The following KANK4 variants were observed in gnomAD, a reference collection of about 807,000 sequenced individuals.
The protein encoded by KANK4 is KN motif and ankyrin repeat domains 4, also known as KN motif and ankyrin repeat domain-containing protein 4.
Under a neutral mutation model 80.8 loss-of-function variants are expected in KANK4, and 50 were observed. That is an observed-to-expected ratio of 0.62 (90% CI 0.49 to 0.78). The LOEUF (loss-of-function observed/expected upper bound fraction) is 0.78, where lower values mean the gene tolerates loss of function less well. KANK4 is among the 30% of genes least tolerant of loss of function. The pLI, the probability that KANK4 is intolerant of heterozygous loss-of-function variation, is 0.00. For synonymous variants in KANK4, 465 were observed against 506.9 expected (o/e 0.92, Z 1.11); for missense variants, 1,196 against 1,240.1 (o/e 0.96, Z 0.53).
rs1671200193 is a variant in KANK4 at position 62,236,343 on chromosome 1, T to C, written c.*1934A>G. ...AGATCCCAGGTGATTTGTATGCACA[T>C]AAATGTTCGCGAAGCACCGGGCTAG... On this transcript the variant is annotated 3_prime_UTR_variant, in exon 10 of 10. Coordinates refer to ENST00000371153, the MANE Select transcript of KANK4 (RefSeq NM_181712.5). 6.6e-6 allele frequency among the ~76,000 whole-genome samples: 1 copy of C among 152,214 alleles called. No homozygotes were observed. Among genetic ancestry groups the C allele is most frequent in the Non-Finnish European group, 1.5e-5 (1 of 68,046 alleles).
intron 8 of KANK4, among the ~76,000 whole-genome samples, chr1:62,249,163 CA>C (rs10695105): frequency 4.2e-4 from 57 of 136,336 alleles, no homozygotes; most frequent in Admixed American, 1.4e-3. Context: ...AAATCTGTCT[CA>C]AAAAAAAAAA....
Position 62,273,251 on chromosome 1 carries a change from G to T in KANK4, c.1853C>A (p.Ala618Asp). 6.5e-7 allele frequency: 1 copy of T among 1,543,034 alleles called. No individual in the cohort carries two copies. Among genetic ancestry groups the T allele is most frequent in the East Asian group, 2.3e-5 (1 of 44,040 alleles). ...NLLLSAYSAQ[A>D]HPPKEPPASS... ...GGCCGGTGGCTCCTTGGGTGGGTGA[G>T]CCTGGGCCGAGTAGGCCGACAGCAG... Residue 618 changes from alanine to aspartate, a missense_variant, in exon 3 of 10, where the codon GCT (alanine) becomes GAT (aspartate). Transcript: ENST00000371153.
chr1:62,316,638 T>C (rs1190184911), intron 1 of KANK4, among the ~76,000 whole-genome samples: 1 of 152,218 alleles, frequency 6.6e-6, no homozygotes, highest in East Asian at 1.9e-4. Flanking sequence ...GTATGCAAGA[T>C]ATTTTAGGTT....
intron 7 of KANK4, among the ~76,000 whole-genome samples, chr1:62,257,197 C>T (rs570737591): frequency 2.8e-4 from 42 of 152,246 alleles, no homozygotes; most frequent in African/African-American, 1.0e-3. Flanking sequence ...AAGCGATTCT[C>T]CTGCCTCAGC....
intron 9 of KANK4, among the ~76,000 whole-genome samples, chr1:62,239,977 A>T (rs569324538): frequency 2.7e-4 from 41 of 152,288 alleles, no homozygotes; most frequent in African/African-American, 9.6e-4. Context: ...ATAAACATAC[A>T]TGTGCATGTG....
chr1:62,252,999 C>A (rs1357951695), intron 8 of KANK4, 68 bp downstream of exon 8: 2 of 1,558,138 alleles, frequency 1.3e-6, no homozygotes, highest in East Asian at 2.3e-5. Context: ...TTTCTCACCC[C>A]ACTAGCAGAA....
chr1:62,317,916 C>A (rs557812669), intron 1 of KANK4, among the ~76,000 whole-genome samples: 22 of 152,308 alleles, frequency 1.4e-4, no homozygotes, highest in Admixed American at 1.2e-3. Flanking sequence ...CTGGTCTGAT[C>A]CCCGAGCCAT....
intron 9 of KANK4, among the ~76,000 whole-genome samples, chr1:62,240,626 G>A (rs563232704): frequency 7.2e-5 from 11 of 152,192 alleles, no homozygotes; most frequent in South Asian, 2.1e-4. Flanking sequence ...ACAAGATTGC[G>A]CCATTGCACT....
At chr1:62,246,726 T>C (rs1671474524) in intron 9 of KANK4, among the ~76,000 whole-genome samples, 1 of 150,796 alleles carries the variant, frequency 6.6e-6, no homozygotes, top group Non-Finnish European at 1.5e-5. Context: ...GCCTGCTGAG[T>C]AGCTGGGATT....
chr1:62,266,361 C>T (rs868619744), intron 6 of KANK4, among the ~76,000 whole-genome samples: 25 of 151,122 alleles, frequency 1.7e-4, no homozygotes, highest in African/African-American at 6.1e-4. Flanking sequence ...GCACACACAC[C>T]ACTGCTTCAC....
chr1:62,290,576 A>T (rs747804361), intron 1 of KANK4, among the ~76,000 whole-genome samples: 1 of 152,200 alleles, frequency 6.6e-6, no homozygotes, highest in Non-Finnish European at 1.5e-5. Context: ...GGCTATGATT[A>T]CTTTTTAAAA....
Position 62,274,777 on chromosome 1 carries a change from T to C in KANK4, c.327A>G (p.Ser109=), listed in dbSNP as rs2666507. 0.7 allele frequency: 1,130,248 copies of C among 1,613,228 alleles called. 398,346 individuals carry two copies. Among genetic ancestry groups the C allele is most frequent in the East Asian group, 0.83 (37,350 of 44,788 alleles). Residue 109 remains serine, a synonymous_variant, in exon 3 of 10, where the codon TCA becomes TCG. Coordinates refer to ENST00000371153, the MANE Select transcript of KANK4 (RefSeq NM_181712.5). The part of the protein sequence containing the change: ...ASLGTQEQNQ[S]PPLGNAPQAS... The stretch of plus-strand genomic sequence containing the variant: ...CCTGGGGGGCATTACCAAGCGGTGG[T>C]GACTGGTTTTGCTCCTGTGTCCCAA...
intron 6 of KANK4, 74 bp downstream of exon 6, chr1:62,266,658 C>T (rs1672028270): frequency 9.7e-7 from 1 of 1,030,400 alleles, no homozygotes; most frequent in Non-Finnish European, 1.5e-6. Flanking sequence ...CTGAATGGGA[C>T]CAAAGTCACC....
chr1:62,263,895 C>T (rs1046483154), intron 6 of KANK4, among the ~76,000 whole-genome samples: 2 of 152,088 alleles, frequency 1.3e-5, no homozygotes, highest in African/African-American at 4.8e-5. Flanking sequence ...TTTAAGAACC[C>T]ACGGCAGGAC....
At chr1:62,305,359 A>G (rs2149169412) in intron 1 of KANK4, among the ~76,000 whole-genome samples, 1 of 152,100 alleles carries the variant, frequency 6.6e-6, no homozygotes, top group South Asian at 2.1e-4. Context: ...CCCAGGCTGG[A>G]GTGAAATGGC....
At chr1:62,314,265 C>G (rs1571059856) in intron 1 of KANK4, among the ~76,000 whole-genome samples, 1 of 152,268 alleles carries the variant, frequency 6.6e-6, no homozygotes. Context: ...TGGCCTGCCT[C>G]AGCCTCCCAA....
intron 1 of KANK4, among the ~76,000 whole-genome samples, chr1:62,312,011 C>T (rs1390692475): frequency 6.6e-6 from 1 of 152,042 alleles, no homozygotes; most frequent in Non-Finnish European, 1.5e-5. Context: ...CTTTTTTGTG[C>T]CTTCATCCCT....
At chr1:62,286,561 A>G (rs1317521400) in intron 1 of KANK4, among the ~76,000 whole-genome samples, 1 of 152,110 alleles carries the variant, frequency 6.6e-6, no homozygotes, top group East Asian at 1.9e-4. Flanking sequence ...ACAACACACA[A>G]TCTTCCTTCT....
intron 1 of KANK4, among the ~76,000 whole-genome samples, chr1:62,282,900 TG>T (rs1672481771): frequency 6.6e-6 from 1 of 152,218 alleles, no homozygotes; most frequent in Non-Finnish European, 1.5e-5. Context: ...CAGCACATCC[TG>T]GTTTGTTGAA....
Sources: gnomAD v4.1 joint callset for allele counts (sites outside exome capture counted in the v4.1 genomes callset) on GRCh38, gnomAD v4.1.1 for gene constraint, MANE v1.5 for transcripts, NCBI Gene and HGNC (gene_info 2026-07-23, HGNC 2026-07-21) for gene names.